TYW1: variants seen among roughly 807,000 people sequenced by gnomAD.
TYW1 encodes tRNA-yW synthesizing protein 1 homolog.
Under a neutral mutation model 96.2 loss-of-function variants are expected in TYW1, and 46 were observed. That is an observed-to-expected ratio of 0.48 (90% CI 0.38 to 0.61). The LOEUF is 0.61. TYW1 is among the 20% of genes least tolerant of loss of function. TYW1 has a pLI of 0.00. For synonymous variants in TYW1, 274 were observed against 323.0 expected (o/e 0.85, Z 1.63); for missense variants, 684 against 909.6 (o/e 0.75, Z 3.19).
intron 5 of TYW1, among the ~76,000 whole-genome samples, chr7:67,015,210 G>C (rs1416277341): frequency 1.3e-5 from 2 of 151,952 alleles, no homozygotes; most frequent in Non-Finnish European, 2.9e-5. Context: ...CACCATGTTG[G>C]CCAGGCTGTT....
chr7:67,226,029 T>G (rs940437931), intron 15 of TYW1, among the ~76,000 whole-genome samples: 5 of 150,770 alleles, frequency 3.3e-5, no homozygotes, highest in African/African-American at 1.2e-4. Flanking sequence ...AAGAACAAAT[T>G]TTGGTAAATC....
intron 14 of TYW1, among the ~76,000 whole-genome samples, chr7:67,188,858 TGCTG>T: frequency 6.6e-6 from 1 of 152,282 alleles, no homozygotes; most frequent in East Asian, 1.9e-4. Context: ...GCAGACACAA[TGCTG>T]TTCATACCCT....
At chr7:67,190,351 C>T (rs1180981133) in intron 14 of TYW1, among the ~76,000 whole-genome samples, 6 of 152,192 alleles carry the variant, frequency 3.9e-5, no homozygotes, top group Non-Finnish European at 8.8e-5. Context: ...AGGAGAATGT[C>T]TGACTTGATT....
chr7:67,235,230 C>T (rs1584727813), intron 15 of TYW1, among the ~76,000 whole-genome samples: 1 of 152,308 alleles, frequency 6.6e-6, no homozygotes, highest in African/African-American at 2.4e-5. Context: ...ATTTATCACA[C>T]CTGTCCCTGT....
chr7:67,030,502 C>T (rs564466793), intron 7 of TYW1, among the ~76,000 whole-genome samples: 1 of 152,258 alleles, frequency 6.6e-6, no homozygotes, highest in East Asian at 1.9e-4. Context: ...CGTAGTGGTA[C>T]GTGCCTGTAA....
At chr7:67,076,811 G>T (rs1796223717) in intron 10 of TYW1, among the ~76,000 whole-genome samples, 2 of 124,998 alleles carry the variant, frequency 1.6e-5, no homozygotes, top group Non-Finnish European at 1.6e-5. Flanking sequence ...GAGTCTTGCT[G>T]TTGCCCAGGC....
intron 13 of TYW1, among the ~76,000 whole-genome samples, chr7:67,171,410 C>T (rs1799508912): frequency 1.3e-5 from 2 of 151,728 alleles, no homozygotes; most frequent in Admixed American, 6.6e-5. Context: ...GTTTCTCTTT[C>T]CTAACCCTGT....
intron 13 of TYW1, among the ~76,000 whole-genome samples, chr7:67,178,268 T>G (rs1799739769): frequency 6.6e-6 from 1 of 152,156 alleles, no homozygotes; most frequent in Non-Finnish European, 1.5e-5. Flanking sequence ...AGGGTTAAAA[T>G]CGTTCACTAG....
intron 13 of TYW1, among the ~76,000 whole-genome samples, chr7:67,123,179 A>G (rs775217820): frequency 6.6e-6 from 1 of 152,024 alleles, no homozygotes; most frequent in Non-Finnish European, 1.5e-5. Context: ...GCCTTAACCC[A>G]TCTGGCTAAT....
intron 4 of TYW1, among the ~76,000 whole-genome samples, chr7:67,012,731 A>C (rs773785966): frequency 6.6e-6 from 1 of 152,178 alleles, no homozygotes; most frequent in Non-Finnish European, 1.5e-5. Context: ...GTAATGGGTC[A>C]AGGTCAAAAC....
intron 2 of TYW1, 60 bp from the exon 3 acceptor site, chr7:66,998,757 C>A: frequency 6.3e-7 from 1 of 1,592,996 alleles, no homozygotes; most frequent in Non-Finnish European, 8.6e-7. Flanking sequence ...ATTTTCATCC[C>A]TGCTGAAGTT....
At chr7:67,040,390 C>T (rs1794980710) in intron 7 of TYW1, among the ~76,000 whole-genome samples, 4 of 151,902 alleles carry the variant, frequency 2.6e-5, no homozygotes, top group Admixed American at 2.6e-4. Context: ...CCTACATTTA[C>T]ACATTCCCCA....
At chr7:66,999,724 CTAAAG>C (rs1306650498) in intron 3 of TYW1, among the ~76,000 whole-genome samples, 7 of 152,168 alleles carry the variant, frequency 4.6e-5, no homozygotes, top group African/African-American at 1.7e-4. Flanking sequence ...AAGGTAGACA[CTAAAG>C]TAAATACAGC....
chr7:67,004,496 G>A (rs1793504459), intron 3 of TYW1, among the ~76,000 whole-genome samples: 1 of 152,178 alleles, frequency 6.6e-6, no homozygotes, highest in Non-Finnish European at 1.5e-5. Flanking sequence ...TCTGCCAGGA[G>A]TAGAAGCAGC....
intron 13 of TYW1, among the ~76,000 whole-genome samples, chr7:67,179,034 T>G (rs1258117383): frequency 1.4e-5 from 2 of 143,608 alleles, no homozygotes; most frequent in Non-Finnish European, 3.0e-5. Flanking sequence ...GCCGGTGGTG[T>G]TAGACGGGAA....
At chr7:67,216,124 T>C (rs1801191843) in intron 15 of TYW1, among the ~76,000 whole-genome samples, 1 of 151,398 alleles carries the variant, frequency 6.6e-6, no homozygotes, top group South Asian at 2.1e-4. Context: ...CTTAAGGTAA[T>C]ATTCAGCTCA....
chr7:67,236,942 G>C (rs1414441598), intron 15 of TYW1, among the ~76,000 whole-genome samples: 1 of 152,082 alleles, frequency 6.6e-6, no homozygotes, highest in Non-Finnish European at 1.5e-5. Context: ...CTAGAGTGCA[G>C]TGGCACTGTC....
chr7:67,044,883 G>A (rs1403049859), intron 7 of TYW1, among the ~76,000 whole-genome samples: 1 of 152,124 alleles, frequency 6.6e-6, no homozygotes, highest in African/African-American at 2.4e-5. Flanking sequence ...ACCTCCCAAA[G>A]TGCTAGGATT....
chr7:67,201,305 TA>T (rs1189592400), intron 15 of TYW1, among the ~76,000 whole-genome samples: 1 of 98,380 alleles, frequency 1.0e-5, no homozygotes, highest in African/African-American at 4.6e-5. Flanking sequence ...CCTCCATTTC[TA>T]AAACAACAAC....
Sources: gnomAD v4.1 joint callset for allele counts (sites outside exome capture counted in the v4.1 genomes callset) on GRCh38, gnomAD v4.1.1 for gene constraint, MANE v1.5 for transcripts, NCBI Gene and HGNC (gene_info 2026-07-23, HGNC 2026-07-21) for gene names.